The following ARHGAP6 variants were observed in gnomAD, a reference collection of about 807,000 sequenced individuals.
The protein encoded by ARHGAP6 is Rho GTPase activating protein 6.
In ARHGAP6, 16 loss-of-function variants were observed where a neutral mutation model predicts 55.7. The ratio of observed to expected loss-of-function variants is 0.29; its 90% CI spans 0.19 to 0.44. The LOEUF is 0.44. ARHGAP6 is among the 20% of genes least tolerant of loss of function. ARHGAP6 has a pLI of 1.00. For synonymous variants in ARHGAP6, 382 were observed against 360.9 expected, an observed-to-expected ratio of 1.06 and a Z score of -0.66; for missense variants, 698 against 808.9, an observed-to-expected ratio of 0.86 and a Z score of 1.66.
At chrX:11,348,167 T>C (rs1300854486) in intron 1 of ARHGAP6, among the ~76,000 whole-genome samples, 2 of 112,069 alleles carry the variant, frequency 1.8e-5, no homozygotes, top group African/African-American at 6.5e-5. Flanking sequence ...CACTAAATGA[T>C]CTTTGCTTAT....
chrX:11,354,635 G>A (rs1041454948), intron 1 of ARHGAP6, among the ~76,000 whole-genome samples: 1 of 110,615 alleles, frequency 9.0e-6, no homozygotes, highest in Non-Finnish European at 1.9e-5. Context: ...GACTCCAAAA[G>A]ATTTAGATAA....
chrX:11,143,473 T>C, intron 11 of ARHGAP6: 1 of 686,895 alleles, frequency 1.5e-6, no homozygotes, highest in Non-Finnish European at 1.7e-6. Flanking sequence ...ATCCTGCAGG[T>C]TGAAAGTGGC....
chrX:11,599,568 T>C (rs2051945704), intron 1 of ARHGAP6, among the ~76,000 whole-genome samples: 1 of 111,988 alleles, frequency 8.9e-6, no homozygotes, highest in African/African-American at 3.2e-5. Flanking sequence ...ATGTGGAATC[T>C]AAAATAGTCG....
At chrX:11,371,797 A>C (rs1170215860) in intron 1 of ARHGAP6, among the ~76,000 whole-genome samples, 3 of 112,521 alleles carry the variant, frequency 2.7e-5, no homozygotes, top group Non-Finnish European at 5.6e-5. Flanking sequence ...ACTTGAGCTC[A>C]TGCTCATATC....
At chrX:11,174,571 T>C (rs2046150367) in intron 8 of ARHGAP6, among the ~76,000 whole-genome samples, 1 of 71,411 alleles carries the variant, frequency 1.4e-5, no homozygotes, top group African/African-American at 6.0e-5. Flanking sequence ...CCTTCCTTCC[T>C]TCCTTTCTTT....
At chrX:11,427,688 C>T (rs983852424) in intron 1 of ARHGAP6, 3 of 828,886 alleles carry the variant, frequency 3.6e-6, no homozygotes, top group Admixed American at 6.9e-5. Flanking sequence ...CCTGGGGCAG[C>T]CCCTGGGCGC....
At chrX:11,643,793 G>T (rs1255065231) in intron 1 of ARHGAP6, among the ~76,000 whole-genome samples, 1 of 111,219 alleles carries the variant, frequency 9.0e-6, no homozygotes, top group Admixed American at 9.6e-5. Flanking sequence ...AAGAGGCTTG[G>T]AGCATCTTCT....
At chrX:11,564,840 T>C (rs2051425832) in intron 1 of ARHGAP6, among the ~76,000 whole-genome samples, 1 of 111,913 alleles carries the variant, frequency 8.9e-6, no homozygotes. Context: ...GTTCTACTAC[T>C]CCTGGCCAGG....
chrX:11,337,275 T>A (rs1298027565), intron 1 of ARHGAP6, among the ~76,000 whole-genome samples: 1 of 111,780 alleles, frequency 8.9e-6, no homozygotes, highest in East Asian at 2.8e-4. Context: ...TTACATTATA[T>A]ACTATATATA....
chrX:11,500,982 C>A (rs1018074982), intron 1 of ARHGAP6, among the ~76,000 whole-genome samples: 1 of 111,540 alleles, frequency 9.0e-6, no homozygotes, highest in African/African-American at 3.3e-5. Flanking sequence ...GGTTTTGAAA[C>A]CCTCATAACT....
At chrX:11,414,522 A>G (rs2049725289) in intron 1 of ARHGAP6, among the ~76,000 whole-genome samples, 1 of 109,295 alleles carries the variant, frequency 9.1e-6, no homozygotes, top group Non-Finnish European at 1.9e-5. Context: ...CAGACAGTCT[A>G]CTAGATATGA....
At chrX:11,463,724 T>A (rs1217922940) in intron 1 of ARHGAP6, among the ~76,000 whole-genome samples, 1 of 112,228 alleles carries the variant, frequency 8.9e-6, no homozygotes. Flanking sequence ...AAAATGTGAT[T>A]CCATTAAAGT....
rs1274662505 is a variant in ARHGAP6 at position 11,298,259 on chromosome X, C to T, written c.589-43552G>A. On this transcript the variant is annotated intron_variant, in intron 1 of 12. Transcript: ENST00000337414. ...AGGTGCTTACCCCTTTGAAGTGGTACCAGAGCATAAGGCCACCGGTATGTA... is the reference window on the plus strand; with the variant it reads ...AGGTGCTTACCCCTTTGAAGTGGTATCAGAGCATAAGGCCACCGGTATGTA... 14 of 1,209,207 alleles carry T rather than the reference C, an allele frequency of 1.2e-5. No homozygotes were observed. Among genetic ancestry groups the T allele is most frequent in the African/African-American group, 1.8e-5 (1 of 57,031 alleles).
intron 1 of ARHGAP6, among the ~76,000 whole-genome samples, chrX:11,276,590 G>T (rs1017901755): frequency 8.9e-6 from 1 of 111,851 alleles, no homozygotes; most frequent in Admixed American, 9.5e-5. Flanking sequence ...AATTGAAAAG[G>T]GAGAAACCAA....
intron 1 of ARHGAP6, among the ~76,000 whole-genome samples, chrX:11,560,197 A>G (rs891368548): frequency 3.6e-5 from 4 of 111,519 alleles, no homozygotes; most frequent in African/African-American, 1.3e-4. Flanking sequence ...GTTCATTATC[A>G]TGAGTTCTAT....
At chrX:11,288,363 G>A (rs1412137901) in intron 1 of ARHGAP6, among the ~76,000 whole-genome samples, 1 of 111,724 alleles carries the variant, frequency 9.0e-6, no homozygotes, top group Non-Finnish European at 1.9e-5. Flanking sequence ...ATCATCGTGG[G>A]GCAACACTTA....
chrX:11,169,412 C>T lies in ARHGAP6; in HGVS notation c.1809+93G>A, dbSNP rs1283989303. 3 of 915,628 alleles carry T rather than the reference C, an allele frequency of 3.3e-6. No individual in the cohort carries two copies. The African/African-American group carries it at 6.1e-5, about 19-fold the overall frequency. 75.5% of individuals were successfully genotyped at this position (915,628 alleles called of 1,213,427 possible). On this transcript the variant is annotated intron_variant, in intron 9 of 12. Coordinates refer to ENST00000337414, the MANE Select transcript of ARHGAP6 (RefSeq NM_013427.3). ...AATGAATTCAGTGAGCAGCACTGCA[C>T]CCCAGAGGGTGGTCTACTAGAATTT...
intron 1 of ARHGAP6, among the ~76,000 whole-genome samples, chrX:11,345,968 A>ATTT (rs72082446): frequency 9.6e-6 from 1 of 104,219 alleles, no homozygotes; most frequent in African/African-American, 3.5e-5. Flanking sequence ...TTTTAGGCAC[A>ATTT]TTTTTTTTTT....
At chrX:11,506,351 A>G (rs1260461444) in intron 1 of ARHGAP6, among the ~76,000 whole-genome samples, 1 of 110,169 alleles carries the variant, frequency 9.1e-6, no homozygotes, top group African/African-American at 3.3e-5. Flanking sequence ...TCAACCTATC[A>G]CCTACATTAG....
Sources: allele counts gnomAD v4.1 joint callset (sites outside exome capture counted in the v4.1 genomes callset), GRCh38; gene constraint gnomAD v4.1.1; transcripts MANE v1.5; gene names NCBI Gene and HGNC (gene_info 2026-07-23, HGNC 2026-07-21).